The following PSMD14 variants were observed in gnomAD, a reference collection of about 807,000 sequenced individuals.
PSMD14 encodes the protein ubiquitin C-terminal hydrolase PSMD14.
A neutral mutation model predicts 41.2 loss-of-function variants in PSMD14; 7 were observed. The observed-to-expected ratio is 0.17, with a 90% CI of 0.10 to 0.32. The LOEUF (loss-of-function observed/expected upper bound fraction) is 0.32. PSMD14 is among the 10% of genes least tolerant of loss of function. The probability of loss-of-function intolerance (pLI) is 1.00; values close to 1 mark genes in which losing one functional copy is unlikely to be tolerated. For synonymous variants in PSMD14, 114 were observed against 122.3 expected (o/e 0.93, Z 0.45); for missense variants, 139 against 375.6 (o/e 0.37, Z 5.21).
chr2:161,404,318 C>T (rs962229328), intron 10 of PSMD14, among the ~76,000 whole-genome samples: 1 of 152,168 alleles, frequency 6.6e-6, no homozygotes, highest in East Asian at 1.9e-4. Context: ...GGTAGATGCT[C>T]AATAAGTATT....
At chr2:161,385,424 C>A in intron 7 of PSMD14, 40 bp from the exon 8 acceptor site, 1 of 1,329,560 alleles carries the variant, frequency 7.5e-7, no homozygotes, top group Non-Finnish European at 1.1e-6. Flanking sequence ...TTATCACTTG[C>A]TTTTTAAAAA....
intron 3 of PSMD14, among the ~76,000 whole-genome samples, chr2:161,355,871 T>C (rs1044419893): frequency 4.6e-5 from 7 of 152,230 alleles, no homozygotes; most frequent in Non-Finnish European, 1.0e-4. Flanking sequence ...GTGATTAAAT[T>C]GTTCTGAGCT....
chr2:161,368,451 C>T (rs1371779001), intron 5 of PSMD14, among the ~76,000 whole-genome samples: 2 of 151,942 alleles, frequency 1.3e-5, no homozygotes, highest in African/African-American at 2.4e-5. Context: ...TTATATGCAC[C>T]GTACTCCATA....
At chr2:161,406,185 A>C (rs759681274) in intron 10 of PSMD14, among the ~76,000 whole-genome samples, 4 of 152,158 alleles carry the variant, frequency 2.6e-5, no homozygotes, top group Non-Finnish European at 5.9e-5. Flanking sequence ...TAATGGGTTT[A>C]GTAAAAGCCT....
chr2:161,376,507 C>T (rs1683505018), intron 7 of PSMD14, among the ~76,000 whole-genome samples: 2 of 151,830 alleles, frequency 1.3e-5, no homozygotes, highest in African/African-American at 4.8e-5. Flanking sequence ...CTCTAATTTG[C>T]TACATTTAGG....
intron 3 of PSMD14, among the ~76,000 whole-genome samples, chr2:161,327,802 C>CA (rs1682721531): frequency 6.7e-6 from 1 of 149,268 alleles, no homozygotes; most frequent in Admixed American, 6.7e-5. Context: ...TAAGAATGGC[C>CA]AAAAAAAGTT....
intron 3 of PSMD14, among the ~76,000 whole-genome samples, chr2:161,326,436 A>T (rs1682701178): frequency 6.6e-6 from 1 of 152,238 alleles, no homozygotes; most frequent in Admixed American, 6.5e-5. Flanking sequence ...GAGAAATTAG[A>T]ACTCTTGTAC....
At chr2:161,406,198 G>A (rs1683945215) in intron 10 of PSMD14, among the ~76,000 whole-genome samples, 1 of 152,158 alleles carries the variant, frequency 6.6e-6, no homozygotes, top group African/African-American at 2.4e-5. Context: ...AAAAGCCTCT[G>A]TAAGATAGGG....
rs546200225 is a variant in PSMD14, at chr2:161,401,219, A to G, written c.771+6016A>G. On this transcript the variant is annotated intron_variant, in intron 10 of 11. Transcript: ENST00000409682. The stretch of plus-strand genomic sequence containing the variant: ...TTCTCTAGCTTACTTCGTTGTAACA[A>G]TATAGTATATGATGTATATAACGTA... 3.3e-5 allele frequency among the ~76,000 whole-genome samples: 5 copies of G among 152,360 alleles called. No homozygotes were observed. The South Asian group carries it at 1.0e-3, about 32-fold the overall frequency.
chr2:161,326,145 C>A (rs1475529166), intron 3 of PSMD14, among the ~76,000 whole-genome samples: 1 of 152,156 alleles, frequency 6.6e-6, no homozygotes, highest in African/African-American at 2.4e-5. Flanking sequence ...TCAAGAGATT[C>A]TTCTGCCTCA....
At chr2:161,351,981 A>G (rs1683124812) in intron 3 of PSMD14, among the ~76,000 whole-genome samples, 1 of 152,190 alleles carries the variant, frequency 6.6e-6, no homozygotes, top group Non-Finnish European at 1.5e-5. Flanking sequence ...CTCTAGCCTG[A>G]TTAGTCTCTC....
intron 3 of PSMD14, among the ~76,000 whole-genome samples, chr2:161,321,753 AG>A (rs2105232042): frequency 6.6e-6 from 1 of 152,330 alleles, no homozygotes; most frequent in African/African-American, 2.4e-5. Context: ...CCAGAAATAC[AG>A]ATTAGGAGGA....
intron 3 of PSMD14, among the ~76,000 whole-genome samples, chr2:161,356,515 T>G (rs1304982906): frequency 6.6e-6 from 1 of 152,132 alleles, no homozygotes; most frequent in Non-Finnish European, 1.5e-5. Context: ...TAAAATTTGT[T>G]GAGGGTTATA....
At position 161,337,398 on chromosome 2, in the gene PSMD14, A is replaced by G. The variant is rs192303062; in HGVS notation, c.48+18525A>G. On this transcript the variant is annotated intron_variant, in intron 3 of 11. Coordinates refer to ENST00000409682, the MANE Select transcript of PSMD14 (RefSeq NM_005805.6). ...CCAGACACTATACCAAATGCCTTAC[A>G]TATGTTATCTCATTTAATCTTTACA... Among the ~76,000 whole-genome samples the G allele has an allele frequency of 9.8e-5, 15 of 152,342 alleles. 1 individual carries two copies. Among genetic ancestry groups the G allele is most frequent in the Admixed American group, 9.1e-4 (14 of 15,304 alleles).
In PSMD14 at chr2:161,367,799, C is replaced by T; in HGVS notation, c.136C>T (p.Arg46Cys). 1 of 1,613,332 alleles carries T rather than the reference C, an allele frequency of 6.2e-7. No individual in the cohort carries two copies. Among genetic ancestry groups the T allele is most frequent in the Non-Finnish European group, 8.5e-7 (1 of 1,179,564 alleles). The change falls in exon 5 of 12, where the codon CGT (arginine) becomes TGT (cysteine). Residue 46 changes from arginine to cysteine, a missense_variant. Around this residue, in one of 4 missense-constraint regions of PSMD14, gnomAD observed 24 missense variants for 55.3 expected, o/e 0.43. Coordinates refer to ENST00000409682, the MANE Select transcript of PSMD14 (RefSeq NM_005805.6). Reference protein sequence around the residue: ...LALLKMLKHGRAGVPMEVMGL... With the variant: ...LALLKMLKHGCAGVPMEVMGL... Reference sequence around the variant, plus strand: ...CTTTCTACAGATGTTAAAACATGGCCGTGCTGGAGTTCCAATGGAAGTTAT... The same window carrying T: ...CTTTCTACAGATGTTAAAACATGGCTGTGCTGGAGTTCCAATGGAAGTTAT...
chr2:161,359,831 A>G (rs1683264546), intron 3 of PSMD14, among the ~76,000 whole-genome samples: 1 of 152,226 alleles, frequency 6.6e-6, no homozygotes, highest in Non-Finnish European at 1.5e-5. Flanking sequence ...TGTACTGGAA[A>G]GTATATTACT....
intron 10 of PSMD14, 46 bp downstream of exon 10, chr2:161,395,249 G>A (rs1252085697): frequency 2.1e-6 from 3 of 1,446,620 alleles, no homozygotes; most frequent in Non-Finnish European, 1.9e-6. Context: ...TTTGGAATAT[G>A]TATGATTAGA....
At chr2:161,362,431 G>A (rs887228823) in intron 3 of PSMD14, among the ~76,000 whole-genome samples, 2 of 152,058 alleles carry the variant, frequency 1.3e-5, no homozygotes, top group Admixed American at 6.5e-5. Context: ...GCATTCAGTG[G>A]TTGTAACAGA....
At chr2:161,371,684 C>T (rs1220541907) in intron 7 of PSMD14, among the ~76,000 whole-genome samples, 1 of 151,966 alleles carries the variant, frequency 6.6e-6, no homozygotes, top group East Asian at 1.9e-4. Context: ...TTGGAATTGG[C>T]ACAACATTTT....
Sources: allele counts gnomAD v4.1 joint callset (sites outside exome capture counted in the v4.1 genomes callset), GRCh38; gene constraint gnomAD v4.1.1; regional missense constraint gnomAD v4.1.1; transcripts MANE v1.5; gene names NCBI Gene and HGNC (gene_info 2026-07-23, HGNC 2026-07-21).